NBEA: variants seen among roughly 807,000 people sequenced by gnomAD.
NBEA encodes neurobeachin.
A neutral mutation model predicts 343.4 loss-of-function variants in NBEA; 44 were observed. That is an observed-to-expected ratio of 0.13 (90% CI 0.10 to 0.16). The LOEUF (loss-of-function observed/expected upper bound fraction) is 0.16, where lower values mean the gene tolerates loss of function less well. Ranked by LOEUF, NBEA falls within the 10% of genes least tolerant of loss-of-function variation. NBEA has a pLI of 1.00. For missense variants in NBEA, 2,555 were observed against 3,631.3 expected (o/e 0.70, Z 7.62); for synonymous variants, 1,175 against 1,238.7 (o/e 0.95, Z 1.08).
chr13:35,564,006 A>G lies in NBEA; in HGVS notation c.6923-2899A>G, dbSNP rs188709327. 2.2e-4 allele frequency among the ~76,000 whole-genome samples: 34 copies of G among 152,132 alleles called. No homozygotes were observed. In the East Asian group the frequency reaches 4.3e-3, roughly 19 times the overall value. On this transcript the variant is annotated intron_variant, in intron 44 of 58. Transcript: ENST00000379939. The stretch of plus-strand genomic sequence containing the variant: ...CCAGGTGATAAGCATAGTACCCAAT[A>G]GGTAGTTTTTGGATCCTTACCTTCC...
chr13:35,228,777 C>A lies in NBEA; in HGVS notation c.5649-3715C>A, dbSNP rs1479420739. On this transcript the variant is annotated intron_variant, in intron 33 of 58. Coordinates refer to ENST00000379939, the MANE Select transcript of NBEA (RefSeq NM_001385012.1). Reference sequence around the variant, plus strand: ...AGTCATCAATCAAGCATCTTAAACACATCATTAGTGTGACTTAAGGGGAAA... The same window carrying A: ...AGTCATCAATCAAGCATCTTAAACAAATCATTAGTGTGACTTAAGGGGAAA... Among the ~76,000 whole-genome samples the A allele has an allele frequency of 2.6e-5, 4 of 152,104 alleles. No homozygotes were observed. The East Asian group carries it at 7.8e-4, about 30-fold the overall frequency.
intron 34 of NBEA, among the ~76,000 whole-genome samples, chr13:35,255,900 A>G (rs1002968237): frequency 2.0e-4 from 31 of 152,342 alleles, no homozygotes; most frequent in African/African-American, 7.5e-4. Flanking sequence ...AGGGTGAGCA[A>G]GGTGGAGAGG....
intron 36 of NBEA, among the ~76,000 whole-genome samples, chr13:35,348,550 C>T (rs570083632): frequency 6.6e-6 from 1 of 152,040 alleles, no homozygotes; most frequent in Admixed American, 6.6e-5. Flanking sequence ...ACTGTAGTTC[C>T]ATATTAGAAT....
At chr13:35,539,377 C>T (rs12429328) in intron 41 of NBEA, among the ~76,000 whole-genome samples, 7,082 of 152,090 alleles carry the variant, frequency 0.047, 175 homozygotes, top group East Asian at 0.067. Context: ...TGACAGAACA[C>T]GGCACACTGG....
At chr13:35,621,223 C>A (rs2082975522) in intron 48 of NBEA, among the ~76,000 whole-genome samples, 1 of 152,098 alleles carries the variant, frequency 6.6e-6, no homozygotes, top group Non-Finnish European at 1.5e-5. Flanking sequence ...GGATCTGCTC[C>A]CAAAGATCAG....
intron 7 of NBEA, among the ~76,000 whole-genome samples, chr13:35,057,886 G>A (rs2063327183): frequency 6.6e-6 from 1 of 152,032 alleles, no homozygotes; most frequent in Admixed American, 6.6e-5. Context: ...ATTTAATGAC[G>A]ACAATTTTTT....
intron 1 of NBEA, among the ~76,000 whole-genome samples, chr13:34,959,588 G>T (rs1346315867): frequency 1.3e-5 from 2 of 152,122 alleles, no homozygotes; most frequent in East Asian, 1.9e-4. Context: ...TTAGGAGTCT[G>T]TTGAGTAGCT....
At chr13:35,051,096 A>G (rs974862087) in intron 6 of NBEA, among the ~76,000 whole-genome samples, 2 of 152,136 alleles carry the variant, frequency 1.3e-5, no homozygotes, top group African/African-American at 4.8e-5. Context: ...ACCAGACTCC[A>G]TCTTTGTGTC....
intron 34 of NBEA, among the ~76,000 whole-genome samples, chr13:35,285,279 A>G (rs2035345908): frequency 6.6e-6 from 1 of 152,078 alleles, no homozygotes; most frequent in African/African-American, 2.4e-5. Flanking sequence ...AATTACAAAA[A>G]TTATCCACTG....
At chr13:35,520,836 CT>C (rs2077676948) in intron 41 of NBEA, among the ~76,000 whole-genome samples, 1 of 152,154 alleles carries the variant, frequency 6.6e-6, no homozygotes. Context: ...CTTTATATCA[CT>C]TCATTTTGAG....
chr13:35,395,971 T>C (rs1594472234), intron 38 of NBEA, among the ~76,000 whole-genome samples: 1 of 152,184 alleles, frequency 6.6e-6, no homozygotes, highest in East Asian at 1.9e-4. Flanking sequence ...ATCTTATGCT[T>C]ATTATTTATA....
chr13:35,641,870 A>C (rs1384405875), intron 49 of NBEA, among the ~76,000 whole-genome samples: 1 of 152,200 alleles, frequency 6.6e-6, no homozygotes, highest in Non-Finnish European at 1.5e-5. Context: ...CTGTACACTT[A>C]AGATTAGTGT....
intron 41 of NBEA, among the ~76,000 whole-genome samples, chr13:35,540,248 TAA>T (rs999321952): frequency 6.6e-5 from 10 of 151,976 alleles, no homozygotes; most frequent in East Asian, 1.9e-4. Context: ...AGAAAATAAA[TAA>T]GTCTATAGAG....
intron 34 of NBEA, among the ~76,000 whole-genome samples, chr13:35,269,114 T>C (rs1343940062): frequency 6.6e-6 from 1 of 152,168 alleles, no homozygotes; most frequent in Non-Finnish European, 1.5e-5. Context: ...TGTGTGAATA[T>C]TCAGGTGCTC....
At chr13:35,566,726 C>T (rs371596163) in intron 44 of NBEA, among the ~76,000 whole-genome samples, 179 bp from the exon 45 acceptor site, 53 of 152,278 alleles carry the variant, frequency 3.5e-4, no homozygotes, top group African/African-American at 9.6e-4. Context: ...ATTCTAGTTA[C>T]GTCTTAAAAC....
At chr13:35,414,233 C>A (rs1200016050) in intron 38 of NBEA, among the ~76,000 whole-genome samples, 1 of 120,728 alleles carries the variant, frequency 8.3e-6, no homozygotes, top group Non-Finnish European at 1.8e-5. Flanking sequence ...TCTACAGTTA[C>A]TCTTTTTTTT....
At position 35,442,471 on chromosome 13, in the gene NBEA, C is replaced by T. The variant is rs189448475; in HGVS notation, c.6305-9621C>T. 2.4e-4 allele frequency among the ~76,000 whole-genome samples: 36 copies of T among 152,066 alleles called. No individual in the cohort carries two copies. In the East Asian group the frequency reaches 5.2e-3, roughly 22 times the overall value. On this transcript the variant is annotated intron_variant, in intron 39 of 58. Coordinates refer to ENST00000379939, the MANE Select transcript of NBEA (RefSeq NM_001385012.1). ...AAATGTGGAGAGAGTCTGCGTTTAC[C>T]GTCACGTATATTCTTAAAATATGGT... is the stretch of plus-strand genomic sequence containing the variant.
chr13:35,328,728 TC>T (rs1188461548), intron 36 of NBEA, among the ~76,000 whole-genome samples: 6 of 151,548 alleles, frequency 4.0e-5, no homozygotes, highest in Admixed American at 6.6e-5. Context: ...GTTAGTTCTT[TC>T]TAAAGTGAGA....
At chr13:35,626,723 C>T (rs1040730093) in intron 48 of NBEA, among the ~76,000 whole-genome samples, 32 of 152,126 alleles carry the variant, frequency 2.1e-4, no homozygotes, top group African/African-American at 7.7e-4. Flanking sequence ...ATCATTTATA[C>T]AAATTGACCA....
Sources: allele counts gnomAD v4.1 joint callset (sites outside exome capture counted in the v4.1 genomes callset), GRCh38; gene constraint gnomAD v4.1.1; transcripts MANE v1.5; gene names NCBI Gene and HGNC (gene_info 2026-07-23, HGNC 2026-07-21).